The following MNS1 variants were observed in gnomAD, a reference collection of about 807,000 sequenced individuals.
The protein encoded by MNS1 is meiosis-specific nuclear structural protein 1.
Under a neutral mutation model 72.0 loss-of-function variants are expected in MNS1, and 63 were observed. That is an observed-to-expected ratio of 0.87 (90% CI 0.71 to 1.08). The LOEUF (loss-of-function observed/expected upper bound fraction) is 1.08. Among genes scored for constraint, MNS1 ranks in the 50% least tolerant of loss-of-function variants. The pLI is 0.00. For missense variants in MNS1, 604 were observed against 562.4 expected (o/e 1.07, Z -0.75); for synonymous variants, 188 against 172.1 (o/e 1.09, Z -0.72).
chr15:56,443,745 C>T lies in MNS1; in HGVS notation c.796G>A (p.Glu266Lys), dbSNP rs768102720. ...GCAAACTCTATGATTTTTCTGTTTTCTTCTTCCATCTCCTCACGTTTCTTT... is the reference window on the plus strand; with the variant it reads ...GCAAACTCTATGATTTTTCTGTTTTTTTCTTCCATCTCCTCACGTTTCTTT... ...RKKKREEMEE[E>K]NRKIIEFANM... Residue 266 changes from glutamate (E) to lysine (K), a missense_variant, in exon 6 of 10, where the codon GAA becomes AAA. Physicochemically the swap from Glu to Lys is moderately conservative, Grantham distance 56 (BLOSUM62 1). Transcript: ENST00000260453. 1.9e-6 allele frequency: 3 copies of T among 1,613,076 alleles called. No individual in the cohort carries two copies. The South Asian group carries it at 3.3e-5, about 18-fold the overall frequency.
chr15:56,447,900 A>C lies in MNS1; in HGVS notation c.354-957T>G, dbSNP rs545828049. On this transcript the variant is annotated intron_variant, in intron 3 of 9. Transcript: ENST00000260453. ...CTAGAATTCATATAAATGGAATCATAGTGCAGGTACCATTTTTCTCTGGCT... is the reference window on the plus strand; with the variant it reads ...CTAGAATTCATATAAATGGAATCATCGTGCAGGTACCATTTTTCTCTGGCT... 2.6e-5 allele frequency among the ~76,000 whole-genome samples: 4 copies of C among 152,326 alleles called. No homozygotes were observed. In the South Asian group the frequency reaches 6.2e-4, roughly 24 times the overall value.
At chr15:56,449,300 T>G (rs1212746505) in intron 3 of MNS1, among the ~76,000 whole-genome samples, 3 of 144,774 alleles carry the variant, frequency 2.1e-5, no homozygotes, top group African/African-American at 8.4e-5. Flanking sequence ...TAAATTCCCT[T>G]TTATCCCTAG....
intron 8 of MNS1, 152 bp from the exon 9 acceptor site, chr15:56,431,650 A>C (rs2050600157): frequency 1.8e-6 from 1 of 566,294 alleles, no homozygotes; most frequent in Admixed American, 3.9e-5. Flanking sequence ...TATTTTTAAA[A>C]TATATATTTT....
At chr15:56,454,065 T>C (rs2050964885) in intron 3 of MNS1, among the ~76,000 whole-genome samples, 1 of 142,584 alleles carries the variant, frequency 7.0e-6, no homozygotes, top group African/African-American at 2.6e-5. Context: ...AAAACACTCT[T>C]AGCAATTCTG....
rs781127205 is a variant in MNS1, at chr15:56,464,267, A to G, written c.4-20T>C. The G allele has an allele frequency of 7.2e-6, 11 of 1,517,758 alleles. No individual in the cohort carries two copies. The African/African-American group carries it at 8.5e-5, about 12-fold the overall frequency. The allele number at this position is 1,517,758 out of a possible 1,614,324, so 94.0% of individuals were successfully genotyped here. A position where few individuals can be genotyped will look rare whatever the true frequency, so the allele number is the denominator to read the frequency against. On this transcript the variant is annotated intron_variant, in intron 1 of 9. Transcript: ENST00000260453. ...GGAACCCTACGATGGAAGAAAAAAA[A>G]AGATGCATATTTTGATATTCCAAAA...
intron 3 of MNS1, among the ~76,000 whole-genome samples, chr15:56,453,512 GA>G (rs2050961711): frequency 6.6e-6 from 1 of 152,114 alleles, no homozygotes; most frequent in Non-Finnish European, 1.5e-5. Context: ...TATTAAGAAG[GA>G]AAAACTGTCT....
intron 1 of MNS1, 131 bp downstream of exon 1, chr15:56,464,839 G>A (rs2051048193): frequency 1.5e-6 from 2 of 1,351,894 alleles, no homozygotes; most frequent in Non-Finnish European, 1.0e-6. Context: ...TGAAGCCTCC[G>A]AAAGCAAATA....
At chr15:56,449,981 C>T (rs558390802) in intron 3 of MNS1, among the ~76,000 whole-genome samples, 22 of 152,158 alleles carry the variant, frequency 1.4e-4, no homozygotes, top group South Asian at 1.2e-3. Flanking sequence ...TTTTATTCAC[C>T]TTTTTATGGC....
intron 4 of MNS1, 66 bp downstream of exon 4, chr15:56,446,775 A>G: frequency 8.2e-7 from 1 of 1,224,282 alleles, no homozygotes; most frequent in East Asian, 2.4e-5. Flanking sequence ...ACAATTTTTT[A>G]AGAAACAAGT....
Position 56,431,431 on chromosome 15 carries a change from TC to T in MNS1, c.1336del (p.Glu446LysfsTer4), listed in dbSNP as rs2050592613. On this transcript the variant is annotated frameshift_variant, in exon 9 of 10. Transcript: ENST00000260453. LOFTEE classifies it high-confidence loss of function. ...RQGFINAIIEEERLKLLKEHA... is the reference protein window; with the variant it reads ...RQGFINAIIEXERLKLLKEHA... Reference sequence around the variant, plus strand: ...CTCTTTAAGAAGTTTTAGCCTTTCTTCTTCAATAATTGCATTAATAAATCCT... The same window carrying T: ...CTCTTTAAGAAGTTTTAGCCTTTCTTTTCAATAATTGCATTAATAAATCCT... 1 of 1,613,586 alleles carries T rather than the reference TC, an allele frequency of 6.2e-7. No homozygotes were observed. Among genetic ancestry groups the T allele is most frequent in the African/African-American group, 1.3e-5 (1 of 74,916 alleles).
chr15:56,455,517 T>G (rs2050976271), intron 3 of MNS1, among the ~76,000 whole-genome samples: 1 of 152,298 alleles, frequency 6.6e-6, no homozygotes, highest in African/African-American at 2.4e-5. Context: ...TCTACAGACG[T>G]CCTGCTCAAT....
rs867179398 is a variant in MNS1, at chr15:56,438,836, G to A, written c.1012-4441C>T. On this transcript the variant is annotated intron_variant, in intron 7 of 9. Transcript: ENST00000260453. ...CCATCAAAAAGTGGGCGAAGGATATGAATAGACACTTCTCAAAAGAAGACA... is the reference window on the plus strand; with the variant it reads ...CCATCAAAAAGTGGGCGAAGGATATAAATAGACACTTCTCAAAAGAAGACA... Among the ~76,000 whole-genome samples, 4 of 152,264 alleles carry A rather than the reference G, an allele frequency of 2.6e-5. No individual in the cohort carries two copies. The South Asian group carries it at 8.3e-4, about 32-fold the overall frequency.
At chr15:56,449,786 A>G (rs1303505758) in intron 3 of MNS1, among the ~76,000 whole-genome samples, 1 of 152,192 alleles carries the variant, frequency 6.6e-6, no homozygotes, top group Non-Finnish European at 1.5e-5. Flanking sequence ...AGTTTGGTAA[A>G]ATGTGCTAAG....
In MNS1 at chr15:56,442,464, A is replaced by T. The variant is rs566607470; in HGVS notation, c.1011+966T>A. 1.1e-3 allele frequency among the ~76,000 whole-genome samples: 165 copies of T among 152,346 alleles called. 1 individual carries two copies. The highest frequency in any genetic ancestry group is 3.5e-3 in the South Asian group (17 of 4,828). ...GTGTATTTATAGCAGCACTATTCAC[A>T]ATGGCAAAGATATGGAATCCACCTA... On this transcript the variant is annotated intron_variant, in intron 7 of 9. Transcript: ENST00000260453.
chr15:56,461,033 A>G (rs537286572), intron 2 of MNS1, among the ~76,000 whole-genome samples: 6 of 152,300 alleles, frequency 3.9e-5, no homozygotes, highest in African/African-American at 1.4e-4. Flanking sequence ...CAATGACTAG[A>G]AAAAAAGGAA....
chr15:56,443,779 G>C lies in MNS1; in HGVS notation c.762C>G (p.Leu254=). 1.2e-6 allele frequency: 2 copies of C among 1,612,708 alleles called. No individual in the cohort carries two copies. The highest frequency in any genetic ancestry group is 1.1e-5 in the South Asian group (1 of 90,932). The change falls in exon 6 of 10, where the codon CTC becomes CTG. Residue 254 remains leucine (L), a synonymous_variant. Coordinates refer to ENST00000260453, the MANE Select transcript of MNS1 (RefSeq NM_018365.4). Reference sequence around the variant, plus strand: ...TCTCCTCACGTTTCTTTTTTCTCCAGAGAGCCTGCTCTTTCTGAAACTCTT... The same window carrying C: ...TCTCCTCACGTTTCTTTTTTCTCCACAGAGCCTGCTCTTTCTGAAACTCTT... ...YIEEFQKEQA[L]WRKKKREEME... is the part of the protein sequence containing the mutation.
Position 56,460,009 on chromosome 15 carries a change from A to AAAAAAATATAT in MNS1, c.226-3489_226-3488insATATATTTTTT. Among the ~76,000 whole-genome samples, 30 of 26,376 alleles carry AAAAAAATATAT rather than the reference A, an allele frequency of 1.1e-3. 5 individuals carry two copies. The highest frequency in any genetic ancestry group is 6.9e-3 in the East Asian group (6 of 872). 17.3% of individuals were successfully genotyped at this position (26,376 alleles called of 152,430 possible). A position where few individuals can be genotyped will look rare whatever the true frequency, so the allele number is the denominator to read the frequency against. On this transcript the variant is annotated intron_variant, in intron 2 of 9. Transcript: ENST00000260453. Reference sequence around the variant, plus strand: ...CTGTCTCAAAAAAAAAAAAAAAAAAAATACATATATATATATATATATATA... The same window carrying AAAAAAATATAT: ...CTGTCTCAAAAAAAAAAAAAAAAAAAAAAAAATATATATACATATATATATATATATATATA...
rs768236543 is a variant in MNS1, at chr15:56,456,518, C to A, written c.229G>T (p.Glu77Ter). Reference sequence around the variant, plus strand: ...AGTTCTTTCAATCTCTTGTTTTCTTCTGCCTGAACGAAAAATTTAACTTCG... The same window carrying A: ...AGTTCTTTCAATCTCTTGTTTTCTTATGCCTGAACGAAAAATTTAACTTCG... ...LDMEEAIQKA[E>*]ENKRLKELQL... Residue 77 changes from glutamate to a stop codon, truncating the protein, a stop_gained, in exon 3 of 10, where the codon GAA (glutamate) becomes TAA (stop). Transcript: ENST00000260453. LOFTEE classifies it high-confidence loss of function. 4 of 1,606,670 alleles carry A rather than the reference C, an allele frequency of 2.5e-6. No homozygotes were observed. In the South Asian group the frequency reaches 4.5e-5, roughly 18 times the overall value.
chr15:56,457,701 C>G (rs1287177348), intron 2 of MNS1, among the ~76,000 whole-genome samples: 1 of 151,624 alleles, frequency 6.6e-6, no homozygotes, highest in African/African-American at 2.4e-5. Flanking sequence ...GTAGTTCTAG[C>G]TGTATCAGGA....
Sources: gnomAD v4.1 joint callset for allele counts (sites outside exome capture counted in the v4.1 genomes callset) on GRCh38, gnomAD v4.1.1 for gene constraint, MANE v1.5 for transcripts, NCBI Gene and HGNC (gene_info 2026-07-23, HGNC 2026-07-21) for gene names.